The following INPP4A variants were observed in gnomAD, a reference collection of about 807,000 sequenced individuals.
The protein encoded by INPP4A is inositol polyphosphate-4-phosphatase type I A.
A neutral mutation model predicts 119.8 loss-of-function variants in INPP4A; 33 were observed. The ratio of observed to expected loss-of-function variants is 0.28; its 90% CI spans 0.21 to 0.37. The LOEUF is 0.37. INPP4A is among the 10% of genes least tolerant of loss of function. The pLI is 1.00. For missense variants in INPP4A, 956 were observed against 1,289.9 expected (o/e 0.74, Z 3.97); for synonymous variants, 496 against 500.7 (o/e 0.99, Z 0.12).
chr2:98,589,609 G>A lies in INPP4A; in HGVS notation c.*2001G>A, dbSNP rs536759612. On this transcript the variant is annotated 3_prime_UTR_variant, in exon 25 of 25. Transcript: ENST00000409851. ...GGTCACCATAAAACTGTAAGACTTG[G>A]CAAATGCTATAGAAAAGGTTCAGGT... is the stretch of plus-strand genomic sequence containing the variant. The A allele has an allele frequency of 1.5e-4, 26 of 179,090 alleles. No individual in the cohort carries two copies. The highest frequency in any genetic ancestry group is 1.2e-3 in the Admixed American group (19 of 15,864). The allele number at this position is 179,090 out of a possible 1,614,324, so 11.1% of individuals were successfully genotyped here. A position where few individuals can be genotyped will look rare whatever the true frequency, so the allele number is the denominator to read the frequency against.
At chr2:98,585,654 G>A (rs1699869883) in intron 24 of INPP4A, among the ~76,000 whole-genome samples, 1 of 152,200 alleles carries the variant, frequency 6.6e-6, no homozygotes, top group Non-Finnish European at 1.5e-5. Flanking sequence ...GGATAACAGT[G>A]TCGGCATGTG....
At chr2:98,455,720 A>G (rs546874869) in intron 1 of INPP4A, among the ~76,000 whole-genome samples, 56 of 152,312 alleles carry the variant, frequency 3.7e-4, no homozygotes, top group Non-Finnish European at 6.9e-4. Flanking sequence ...CACACATACA[A>G]GTGTCTATTT....
At chr2:98,537,746 C>A in intron 7 of INPP4A, 117 bp from the exon 8 acceptor site, 1 of 716,062 alleles carries the variant, frequency 1.4e-6, no homozygotes. Flanking sequence ...ACTGGTCAGT[C>A]AGCTCGGCCC....
chr2:98,559,264 G>C (rs1379787887), intron 16 of INPP4A, among the ~76,000 whole-genome samples, 199 bp from the exon 17 acceptor site: 1 of 152,222 alleles, frequency 6.6e-6, no homozygotes, highest in African/African-American at 2.4e-5. Context: ...CCACTGAGAG[G>C]GCTTGGCTGC....
At chr2:98,509,477 C>A (rs568503358) in intron 1 of INPP4A, among the ~76,000 whole-genome samples, 84 of 152,296 alleles carry the variant, frequency 5.5e-4, no homozygotes, top group African/African-American at 1.9e-3. Flanking sequence ...CCTTGACCAG[C>A]CCCCCAAAAT....
chr2:98,552,608 A>G, intron 13 of INPP4A, 178 bp from the exon 14 acceptor site: 1 of 735,968 alleles, frequency 1.4e-6, no homozygotes, highest in Non-Finnish European at 2.5e-6. Context: ...CCTGCCATAT[A>G]GACAGGAAGA....
At chr2:98,526,772 T>G (rs1688249593) in intron 4 of INPP4A, among the ~76,000 whole-genome samples, 1 of 152,198 alleles carries the variant, frequency 6.6e-6, no homozygotes, top group Non-Finnish European at 1.5e-5. Context: ...CAGCATCTTC[T>G]CAGCTTCTGG....
At chr2:98,488,967 G>A (rs1258563551) in intron 1 of INPP4A, among the ~76,000 whole-genome samples, 1 of 151,566 alleles carries the variant, frequency 6.6e-6, no homozygotes, top group Non-Finnish European at 1.5e-5. Flanking sequence ...GTGTGTGTGT[G>A]TGTGTGTGTG....
Position 98,566,718 on chromosome 2 carries a change from T to G in INPP4A, c.2420+549T>G, listed in dbSNP as rs542404669. Among the ~76,000 whole-genome samples the G allele has an allele frequency of 1.0e-3, 159 of 152,242 alleles. No individual in the cohort carries two copies. Among genetic ancestry groups the G allele is most frequent in the African/African-American group, 3.6e-3 (150 of 41,540 alleles). ...AAAGGCAACTGCCCTCCAGGGTCACTTGCCACACTGCAGAGGGGAGTTGTG... is the reference window on the plus strand; with the variant it reads ...AAAGGCAACTGCCCTCCAGGGTCACGTGCCACACTGCAGAGGGGAGTTGTG... On this transcript the variant is annotated intron_variant, in intron 21 of 24. Transcript: ENST00000409851. This position sits in a 1 kb window ranked among gnomAD's most constrained non-coding sequence, Gnocchi z 4.2.
intron 1 of INPP4A, among the ~76,000 whole-genome samples, chr2:98,508,774 G>A (rs930272233): frequency 4.6e-5 from 7 of 152,198 alleles, no homozygotes; most frequent in Admixed American, 2.6e-4. Context: ...AGAGAACCGC[G>A]CTGCTCCTGG....
rs1334637860 is a variant in INPP4A at position 98,568,682 on chromosome 2, C to G, written c.2518+14C>G. The G allele has an allele frequency of 7.1e-7, 1 of 1,407,910 alleles. No individual in the cohort carries two copies. The highest frequency in any genetic ancestry group is 1.0e-6 in the Non-Finnish European group (1 of 1,003,806). The allele number at this position is 1,407,910 out of a possible 1,614,324, so 87.2% of individuals were successfully genotyped here. On this transcript the variant is annotated intron_variant, in intron 22 of 24. Transcript: ENST00000409851. Reference sequence around the variant, plus strand: ...TGCCTGAGGATTGTAAGTATTTCTTCAGTCATGGTAGGTTTCACTTACTCG... The same window carrying G: ...TGCCTGAGGATTGTAAGTATTTCTTGAGTCATGGTAGGTTTCACTTACTCG...
intron 1 of INPP4A, among the ~76,000 whole-genome samples, chr2:98,493,552 C>T (rs773253669): frequency 6.6e-6 from 1 of 151,686 alleles, no homozygotes; most frequent in Non-Finnish European, 1.5e-5. Context: ...TGCACCTCCA[C>T]GCCTGGCTAA....
intron 13 of INPP4A, among the ~76,000 whole-genome samples, chr2:98,550,422 G>A (rs1434082775): frequency 2.6e-5 from 4 of 152,214 alleles, no homozygotes; most frequent in Admixed American, 6.5e-5. Flanking sequence ...CAGAGTGACT[G>A]TTGCTCAGCA....
intron 24 of INPP4A, among the ~76,000 whole-genome samples, chr2:98,580,366 C>T (rs960722582): frequency 6.6e-6 from 1 of 152,204 alleles, no homozygotes; most frequent in African/African-American, 2.4e-5. Flanking sequence ...CCCCAAAAGC[C>T]CTGATCTGTA....
At chr2:98,559,225 G>A (rs1018566358) in intron 16 of INPP4A, among the ~76,000 whole-genome samples, 1 of 152,244 alleles carries the variant, frequency 6.6e-6, no homozygotes, top group Non-Finnish European at 1.5e-5. Context: ...CAACATGAAT[G>A]TTTAAGCTGG....
At chr2:98,540,668 G>A (rs895692439) in intron 10 of INPP4A, among the ~76,000 whole-genome samples, 3 of 152,230 alleles carry the variant, frequency 2.0e-5, no homozygotes, top group Non-Finnish European at 2.9e-5. Context: ...GGTGGAAGGC[G>A]TCACACAGCA....
intron 23 of INPP4A, among the ~76,000 whole-genome samples, chr2:98,575,239 C>G (rs1050190491): frequency 6.6e-6 from 1 of 152,272 alleles, no homozygotes; most frequent in African/African-American, 2.4e-5. Context: ...GCTGGTGTCC[C>G]TCTGGGATGG....
At chr2:98,456,467 A>G (rs950468648) in intron 1 of INPP4A, among the ~76,000 whole-genome samples, 4 of 151,662 alleles carry the variant, frequency 2.6e-5, no homozygotes, top group African/African-American at 9.7e-5. Context: ...CCAAGTAGCA[A>G]TGACTGCATG....
intron 13 of INPP4A, among the ~76,000 whole-genome samples, chr2:98,547,143 AGG>A (rs1335479659): frequency 1.3e-5 from 2 of 152,204 alleles, no homozygotes; most frequent in African/African-American, 4.8e-5. Context: ...ATTTCCAGGT[AGG>A]GAGGGTGGTG....
Sources: allele counts gnomAD v4.1 joint callset (sites outside exome capture counted in the v4.1 genomes callset), GRCh38; gene constraint gnomAD v4.1.1; non-coding constraint Gnocchi (gnomAD v3.1); transcripts MANE v1.5; gene names NCBI Gene and HGNC (gene_info 2026-07-23, HGNC 2026-07-21).